Variants in CSMD3 observed in about 807,000 individuals in gnomAD.
CSMD3 encodes the protein CUB and sushi domain-containing protein 3.
A neutral mutation model predicts 435.2 loss-of-function variants in CSMD3; 177 were observed. The ratio of observed to expected loss-of-function variants is 0.41; its 90% CI spans 0.36 to 0.46. The LOEUF (loss-of-function observed/expected upper bound fraction) is 0.46, where lower values mean the gene tolerates loss of function less well. Among genes scored for constraint, CSMD3 ranks in the 20% least tolerant of loss-of-function variants. The pLI, the probability that CSMD3 is intolerant of heterozygous loss-of-function variation, is 0.34. For missense variants in CSMD3, 4,265 were observed against 4,504.6 expected (o/e 0.95, Z 1.52); for synonymous variants, 1,656 against 1,520.5 (o/e 1.09, Z -2.07).
At chr8:112,393,961 C>A (rs973267759) in intron 35 of CSMD3, among the ~76,000 whole-genome samples, 1 of 151,988 alleles carries the variant, frequency 6.6e-6, no homozygotes, top group African/African-American at 2.4e-5. Flanking sequence ...CACTGTCCCC[C>A]CTTCCATGTC....
chr8:113,088,102 T>G (rs1367592941), intron 5 of CSMD3, among the ~76,000 whole-genome samples: 2 of 149,694 alleles, frequency 1.3e-5, no homozygotes, highest in Non-Finnish European at 3.0e-5. Context: ...AAAAAACACA[T>G]GAAAAAATGC....
chr8:113,361,361 T>C (rs2094274908), intron 1 of CSMD3, among the ~76,000 whole-genome samples: 1 of 152,170 alleles, frequency 6.6e-6, no homozygotes, highest in African/African-American at 2.4e-5. Context: ...TAATTAGGTA[T>C]GAAAGCAGTA....
intron 22 of CSMD3, among the ~76,000 whole-genome samples, chr8:112,633,816 A>G (rs570121700): frequency 1.3e-5 from 2 of 152,156 alleles, no homozygotes; most frequent in South Asian, 4.1e-4. Context: ...TGCCTTATAT[A>G]ACCTATATAC....
intron 3 of CSMD3, among the ~76,000 whole-genome samples, chr8:113,198,302 A>G (rs945907611): frequency 1.1e-4 from 17 of 151,470 alleles, no homozygotes; most frequent in African/African-American, 4.1e-4. Flanking sequence ...ATATGCCATC[A>G]TCCTGTTAAA....
chr8:112,509,694 C>T (rs10101987), intron 28 of CSMD3, among the ~76,000 whole-genome samples: 46,265 of 151,742 alleles, frequency 0.3, 7,152 homozygotes, highest in East Asian at 0.47. Flanking sequence ...TCATACACTT[C>T]TTCCTTTACA....
At chr8:113,056,432 A>G (rs1479256464) in intron 5 of CSMD3, among the ~76,000 whole-genome samples, 1 of 152,228 alleles carries the variant, frequency 6.6e-6, no homozygotes, top group Non-Finnish European at 1.5e-5. Flanking sequence ...GCTAAACAAT[A>G]TATTCAAATT....
intron 32 of CSMD3, among the ~76,000 whole-genome samples, chr8:112,453,400 A>G (rs551172584): frequency 1.3e-5 from 2 of 152,254 alleles, no homozygotes; most frequent in South Asian, 2.1e-4. Context: ...GACCTGATAA[A>G]TGACTTCAGT....
At chr8:113,430,522 G>C (rs2094665859) in intron 1 of CSMD3, among the ~76,000 whole-genome samples, 1 of 152,128 alleles carries the variant, frequency 6.6e-6, no homozygotes, top group Admixed American at 6.5e-5. Flanking sequence ...ATTTTAGAGT[G>C]CAATCTGGAC....
At chr8:112,924,212 T>C (rs916299546) in intron 9 of CSMD3, among the ~76,000 whole-genome samples, 1 of 152,120 alleles carries the variant, frequency 6.6e-6, no homozygotes, top group African/African-American at 2.4e-5. Context: ...GAGTGAAGGA[T>C]ACAATTTAAG....
chr8:112,894,418 T>C (rs1421463314), intron 10 of CSMD3, among the ~76,000 whole-genome samples: 1 of 151,300 alleles, frequency 6.6e-6, no homozygotes, highest in Non-Finnish European at 1.5e-5. Context: ...CAGATTAGTA[T>C]AAAAATAAAA....
intron 6 of CSMD3, among the ~76,000 whole-genome samples, chr8:113,016,444 C>G (rs759186360): frequency 1.2e-4 from 18 of 151,652 alleles, no homozygotes; most frequent in Non-Finnish European, 1.9e-4. Context: ...ATGGAACACA[C>G]TATAAAAAAT....
chr8:112,392,395 G>A (rs997163338), intron 35 of CSMD3, among the ~76,000 whole-genome samples: 10 of 148,648 alleles, frequency 6.7e-5, no homozygotes, highest in Admixed American at 6.0e-4. Context: ...TCACTTAGTC[G>A]TGTTTTCTTA....
intron 13 of CSMD3, among the ~76,000 whole-genome samples, chr8:112,691,403 C>T (rs899937539): frequency 4.0e-5 from 6 of 151,808 alleles, no homozygotes; most frequent in Admixed American, 3.3e-4. Context: ...TAATTTGTAC[C>T]AGAAAAAAAT....
rs565056782 is a variant in CSMD3 at position 112,651,629 on chromosome 8, C to T, written c.3005-1280G>A. Among the ~76,000 whole-genome samples the T allele has an allele frequency of 1.6e-4, 25 of 151,518 alleles. No individual in the cohort carries two copies. The South Asian group carries it at 4.8e-3, about 29-fold the overall frequency. ...CTCGGCTCACTGTGACCTTCACCTGCCGGGTTCAAGCAATTCTCCTGCCTC... is the reference window on the plus strand; with the variant it reads ...CTCGGCTCACTGTGACCTTCACCTGTCGGGTTCAAGCAATTCTCCTGCCTC... On this transcript the variant is annotated intron_variant, in intron 18 of 70. Coordinates refer to ENST00000297405, the MANE Select transcript of CSMD3 (RefSeq NM_198123.2).
chr8:112,273,691 A>C (rs1817744210), intron 59 of CSMD3, among the ~76,000 whole-genome samples: 1 of 144,866 alleles, frequency 6.9e-6, no homozygotes, highest in Non-Finnish European at 1.5e-5. Flanking sequence ...ATGCCACTGC[A>C]CTCCAGCCTG....
chr8:112,947,994 G>A (rs1564137028), intron 8 of CSMD3, 117 bp from the exon 9 acceptor site: 1 of 602,872 alleles, frequency 1.7e-6, no homozygotes, highest in South Asian at 2.0e-5. Flanking sequence ...TATAATCACT[G>A]TCATTTAAGC....
intron 13 of CSMD3, among the ~76,000 whole-genome samples, chr8:112,738,018 G>A (rs1164796542): frequency 6.6e-6 from 1 of 151,772 alleles, no homozygotes; most frequent in African/African-American, 2.4e-5. Context: ...TTGATTGACA[G>A]CTAGGTGAAA....
chr8:112,580,620 T>C (rs1456765042), intron 23 of CSMD3, among the ~76,000 whole-genome samples: 1 of 151,814 alleles, frequency 6.6e-6, no homozygotes, highest in East Asian at 1.9e-4. Context: ...TAACTCAGTG[T>C]CATATACAGA....
chr8:113,050,396 T>C (rs2088036362), intron 5 of CSMD3, among the ~76,000 whole-genome samples: 1 of 152,078 alleles, frequency 6.6e-6, no homozygotes, highest in Admixed American at 6.5e-5. Context: ...ACAGAGCACA[T>C]TCAATTACCT....
Sources: allele counts gnomAD v4.1 joint callset (sites outside exome capture counted in the v4.1 genomes callset), GRCh38; gene constraint gnomAD v4.1.1; transcripts MANE v1.5; gene names NCBI Gene and HGNC (gene_info 2026-07-23, HGNC 2026-07-21).